SH3BP5: variants seen among roughly 807,000 people sequenced by gnomAD.
SH3BP5 encodes the protein SH3 domain binding protein 5, also known as SH3 domain-binding protein 5.
Under a neutral mutation model 43.3 loss-of-function variants are expected in SH3BP5, and 22 were observed. The observed-to-expected ratio is 0.51, with a 90% CI of 0.36 to 0.73. The LOEUF (loss-of-function observed/expected upper bound fraction) is 0.73, where lower values mean the gene tolerates loss of function less well. SH3BP5 is among the 30% of genes least tolerant of loss of function. The pLI is 0.00. For missense variants in SH3BP5, 529 were observed against 586.9 expected (o/e 0.90, Z 1.02); for synonymous variants, 255 against 225.8 (o/e 1.13, Z -1.16).
At chr3:15,305,742 GAA>G (rs1295456059) in intron 2 of SH3BP5, among the ~76,000 whole-genome samples, 3 of 152,172 alleles carry the variant, frequency 2.0e-5, no homozygotes, top group Non-Finnish European at 4.4e-5. Context: ...CGGAGGTCTG[GAA>G]TGTGGAGAAT....
chr3:15,322,939 G>C (rs1014712143), intron 2 of SH3BP5, among the ~76,000 whole-genome samples: 3 of 151,808 alleles, frequency 2.0e-5, no homozygotes, highest in Non-Finnish European at 4.4e-5. Context: ...GTCAGGAGTT[G>C]ACCAGCCTGA....
rs1289165181 is a variant in SH3BP5, at chr3:15,255,278, A to C, written c.*808T>G. The C allele has an allele frequency of 6.6e-6, 1 of 152,670 alleles. No individual in the cohort carries two copies. Among genetic ancestry groups the C allele is most frequent in the Non-Finnish European group, 1.5e-5 (1 of 68,048 alleles). The allele number at this position is 152,670 out of a possible 1,614,324, so 9.5% of individuals were successfully genotyped here. A position where few individuals can be genotyped will look rare whatever the true frequency, so the allele number is the denominator to read the frequency against. ...CCTACAGAGAAATTAACATCTTGTC[A>C]ATCTAATAACAGTGGCAACCATTCT... On this transcript the variant is annotated 3_prime_UTR_variant, in exon 9 of 9. Transcript: ENST00000383791.
chr3:15,323,968 A>G (rs183459609), intron 2 of SH3BP5, among the ~76,000 whole-genome samples: 1 of 152,204 alleles, frequency 6.6e-6, no homozygotes, highest in Non-Finnish European at 1.5e-5. Context: ...GGACCACTGA[A>G]GCCCAAGGCC....
chr3:15,256,956 C>T lies in SH3BP5; in HGVS notation c.1047G>A (p.Leu349=). ...ACTCTGACAGGGACACAGGGCTGGG[C>T]AGATCCAGGCTGCCAGGCCTCACAA... is the stretch of plus-strand genomic sequence containing the variant. ...PAVVRPGSLD[L]PSPVSLSEFG... The change falls in exon 8 of 9, where the codon CTG becomes CTA. Residue 349 remains leucine, a synonymous_variant. Transcript: ENST00000383791. 6.2e-7 allele frequency: 1 copy of T among 1,614,222 alleles called. No homozygotes were observed. Among genetic ancestry groups the T allele is most frequent in the Non-Finnish European group, 8.5e-7 (1 of 1,180,034 alleles).
chr3:15,316,539 C>A (rs2125128235), intron 2 of SH3BP5, among the ~76,000 whole-genome samples: 1 of 152,174 alleles, frequency 6.6e-6, no homozygotes, highest in African/African-American at 2.4e-5. Context: ...GCTTTCAGTT[C>A]ATCTTTTTTG....
At chr3:15,276,810 T>C (rs1319912761) in intron 3 of SH3BP5, among the ~76,000 whole-genome samples, 2 of 152,258 alleles carry the variant, frequency 1.3e-5, no homozygotes, top group South Asian at 4.1e-4. Flanking sequence ...TAGCAGTTAC[T>C]GCTTTAGCAT....
At chr3:15,334,949 CAAAAT>C, upstream of SH3BP5, among the ~76,000 whole-genome samples, 1 of 150,872 alleles carries the variant, frequency 6.6e-6, no homozygotes, top group African/African-American at 2.5e-5. Flanking sequence ...GACCCTGTCT[CAAAAT>C]AAATATATAT....
intron 3 of SH3BP5, among the ~76,000 whole-genome samples, chr3:15,295,479 T>A (rs1251247904): frequency 6.6e-6 from 1 of 152,216 alleles, no homozygotes; most frequent in Non-Finnish European, 1.5e-5. Context: ...TTTTTGTTGA[T>A]GATTTTTCTC....
At chr3:15,274,128 C>T (rs60473484) in intron 3 of SH3BP5, among the ~76,000 whole-genome samples, 4,765 of 152,034 alleles carry the variant, frequency 0.031, 253 homozygotes, top group African/African-American at 0.11. Flanking sequence ...AGTCTATAGT[C>T]CCAGCTACTC....
At chr3:15,264,234 T>G (rs1490987613) in intron 4 of SH3BP5, 1 of 152,214 alleles carries the variant, frequency 6.6e-6, no homozygotes, top group Non-Finnish European at 1.5e-5. Flanking sequence ...TTGAAGCTGT[T>G]TTACAACCCT....
chr3:15,303,837 C>G (rs1296875309), intron 3 of SH3BP5, among the ~76,000 whole-genome samples: 1 of 152,158 alleles, frequency 6.6e-6, no homozygotes, highest in Admixed American at 6.5e-5. Flanking sequence ...GGAGGAGGAA[C>G]ACCCTCTGGA....
At chr3:15,275,643 G>A (rs1173654534) in intron 3 of SH3BP5, 3 of 152,168 alleles carry the variant, frequency 2.0e-5, no homozygotes, top group Admixed American at 2.0e-4. Flanking sequence ...GGTATAAGAT[G>A]CAATACAGAA....
At position 15,259,988 on chromosome 3, in the gene SH3BP5, T is replaced by C. The variant is rs1575277202; in HGVS notation, c.627-185A>G. On this transcript the variant is annotated intron_variant, in intron 5 of 8. Coordinates refer to ENST00000383791, the MANE Select transcript of SH3BP5 (RefSeq NM_004844.5). Reference sequence around the variant, plus strand: ...GCTCTGGAGACTGACAGACACCAGATGGAACGACTGGGCTCACCCAGGGCT... The same window carrying C: ...GCTCTGGAGACTGACAGACACCAGACGGAACGACTGGGCTCACCCAGGGCT... 11 of 623,558 alleles carry C rather than the reference T, an allele frequency of 1.8e-5. No individual in the cohort carries two copies. The East Asian group carries it at 2.5e-4, about 14-fold the overall frequency. 38.6% of individuals were successfully genotyped at this position (623,558 alleles called of 1,614,324 possible). A position where few individuals can be genotyped will look rare whatever the true frequency, so the allele number is the denominator to read the frequency against.
intron 2 of SH3BP5, among the ~76,000 whole-genome samples, chr3:15,311,138 A>AAAGAT (rs1698046684): frequency 1.3e-5 from 2 of 152,350 alleles, no homozygotes. Context: ...CCAAACTTCA[A>AAAGAT]AAGATCCTTA....
chr3:15,286,256 C>G (rs1007595259), intron 3 of SH3BP5, among the ~76,000 whole-genome samples: 7 of 152,188 alleles, frequency 4.6e-5, no homozygotes, highest in African/African-American at 1.7e-4. Flanking sequence ...GCCAGGGTAG[C>G]AGCTCCGCCC....
intron 2 of SH3BP5, among the ~76,000 whole-genome samples, chr3:15,316,466 G>A (rs145820987): frequency 0.029 from 4,349 of 151,960 alleles, 71 homozygotes; most frequent in South Asian, 0.08. Context: ...CTCGTGATCC[G>A]CTGGCCTCGG....
intron 3 of SH3BP5, among the ~76,000 whole-genome samples, chr3:15,297,564 T>C (rs1433387296): frequency 1.1e-4 from 17 of 152,322 alleles, no homozygotes; most frequent in African/African-American, 4.1e-4. Flanking sequence ...AGGTAGACTT[T>C]ATCGTTCCCA....
intron 4 of SH3BP5, among the ~76,000 whole-genome samples, chr3:15,265,806 G>A (rs1176178485): frequency 6.6e-6 from 1 of 152,046 alleles, no homozygotes; most frequent in Non-Finnish European, 1.5e-5. Flanking sequence ...GCATACTCCG[G>A]AGATGCTGAA....
At chr3:15,275,444 G>A (rs1696934821) in intron 3 of SH3BP5, among the ~76,000 whole-genome samples, 1 of 152,076 alleles carries the variant, frequency 6.6e-6, no homozygotes, top group East Asian at 1.9e-4. Flanking sequence ...CCTTCACATC[G>A]TAATAAAGGC....
Sources: allele counts gnomAD v4.1 joint callset (sites outside exome capture counted in the v4.1 genomes callset), GRCh38; gene constraint gnomAD v4.1.1; transcripts MANE v1.5; gene names NCBI Gene and HGNC (gene_info 2026-07-23, HGNC 2026-07-21).